VKORC1L1: variants seen among roughly 807,000 people sequenced by gnomAD.
The protein encoded by VKORC1L1 is vitamin K epoxide reductase complex subunit 1-like protein 1.
Under a neutral mutation model 18.9 loss-of-function variants are expected in VKORC1L1, and 2 were observed. The observed-to-expected ratio is 0.11, with a 90% CI of 0.04 to 0.33. The LOEUF (loss-of-function observed/expected upper bound fraction) is 0.33, where lower values mean the gene tolerates loss of function less well. VKORC1L1 is among the 10% of genes least tolerant of loss of function. VKORC1L1 has a pLI of 1.00. For synonymous variants in VKORC1L1, 96 were observed against 100.0 expected (o/e 0.96, Z 0.24); for missense variants, 123 against 224.1 (o/e 0.55, Z 2.88).
intron 1 of VKORC1L1, among the ~76,000 whole-genome samples, chr7:65,912,324 A>T (rs1310261123): frequency 6.6e-6 from 1 of 152,148 alleles, no homozygotes; most frequent in Non-Finnish European, 1.5e-5. Flanking sequence ...GCTGTAGAAT[A>T]TTGTTTTTTC....
At chr7:65,942,590 T>A (rs1790054967) in intron 1 of VKORC1L1, among the ~76,000 whole-genome samples, 2 of 151,258 alleles carry the variant, frequency 1.3e-5, no homozygotes, top group Non-Finnish European at 2.9e-5. Context: ...TAGGCTGGAG[T>A]GCAGTGGCGC....
upstream of VKORC1L1, among the ~76,000 whole-genome samples, chr7:65,872,524 C>T (rs1400220810): frequency 6.6e-6 from 1 of 152,026 alleles, no homozygotes; most frequent in Non-Finnish European, 1.5e-5. Flanking sequence ...GACGCGGTTA[C>T]GCCATGTAGG....
At chr7:65,892,181 T>C (rs746283411) in intron 1 of VKORC1L1, among the ~76,000 whole-genome samples, 1 of 152,250 alleles carries the variant, frequency 6.6e-6, no homozygotes, top group Non-Finnish European at 1.5e-5. Flanking sequence ...CTTTATCCAT[T>C]CGTCTGTTGA....
chr7:65,922,156 A>G (rs1048138969), intron 1 of VKORC1L1, among the ~76,000 whole-genome samples: 2 of 150,800 alleles, frequency 1.3e-5, no homozygotes, highest in Non-Finnish European at 2.9e-5. Context: ...AATTCTGCAT[A>G]TTTTTGACTC....
intron 1 of VKORC1L1, among the ~76,000 whole-genome samples, chr7:65,937,243 A>C (rs561357903): frequency 1.1e-4 from 17 of 152,196 alleles, no homozygotes; most frequent in Admixed American, 3.3e-4. Flanking sequence ...TCCAGTTTTT[A>C]CTCTCCTCTA....
intron 1 of VKORC1L1, among the ~76,000 whole-genome samples, chr7:65,932,137 G>A (rs1017695768): frequency 6.6e-6 from 1 of 151,622 alleles, no homozygotes; most frequent in Non-Finnish European, 1.5e-5. Flanking sequence ...TCATGCTGTT[G>A]CCCAGGCTGG....
chr7:65,886,504 G>T (rs28448305), intron 1 of VKORC1L1, among the ~76,000 whole-genome samples: 6,330 of 152,074 alleles, frequency 0.042, 447 homozygotes, highest in African/African-American at 0.14. Context: ...AAAGAAGAAG[G>T]TGCCTTTTGA....
chr7:65,907,354 T>C (rs545366189), intron 1 of VKORC1L1, among the ~76,000 whole-genome samples: 2 of 152,240 alleles, frequency 1.3e-5, no homozygotes, highest in East Asian at 1.9e-4. Flanking sequence ...TGAGAATCGC[T>C]TAGAACCCGG....
chr7:65,877,561 T>C (rs1317688673), intron 1 of VKORC1L1, among the ~76,000 whole-genome samples: 1 of 152,204 alleles, frequency 6.6e-6, no homozygotes. Context: ...TTGGCCAGGC[T>C]GGTCTTAAAC....
At position 65,959,445 on chromosome 7, in the gene VKORC1L1, A is replaced by C. The variant is rs1176596207; in HGVS notation, c.*5145A>C. The C allele has an allele frequency of 6.6e-6, 1 of 152,264 alleles. No homozygotes were observed. The highest frequency in any genetic ancestry group is 2.4e-5 in the African/African-American group (1 of 41,474). 9.4% of individuals were successfully genotyped at this position (152,264 alleles called of 1,614,324 possible). A position where few individuals can be genotyped will look rare whatever the true frequency, so the allele number is the denominator to read the frequency against. On this transcript the variant is annotated 3_prime_UTR_variant, in exon 3 of 3. Coordinates refer to ENST00000360768, the MANE Select transcript of VKORC1L1 (RefSeq NM_173517.6). ...TGGAACACAAAACTTGATTCCTTTG[A>C]AAAACTAAAGAGAAGTTGATAAAAA...
At chr7:65,901,005 A>G (rs1426306726) in intron 1 of VKORC1L1, among the ~76,000 whole-genome samples, 1 of 152,188 alleles carries the variant, frequency 6.6e-6, no homozygotes. Flanking sequence ...ACAGATGGAG[A>G]AGAAAATGAG....
At chr7:65,925,389 G>A (rs1272387283) in intron 1 of VKORC1L1, among the ~76,000 whole-genome samples, 7 of 152,104 alleles carry the variant, frequency 4.6e-5, no homozygotes, top group Non-Finnish European at 8.8e-5. Context: ...TACAGTCTCC[G>A]AGTTGGTCTC....
At chr7:65,872,270 G>A (rs905330839), upstream of VKORC1L1, among the ~76,000 whole-genome samples, 1 of 151,448 alleles carries the variant, frequency 6.6e-6, no homozygotes, top group Non-Finnish European at 1.5e-5. Context: ...TATGAGTTAT[G>A]GTAAGCAACT....
intron 1 of VKORC1L1, among the ~76,000 whole-genome samples, chr7:65,927,395 A>G (rs1210142244): frequency 2.0e-5 from 3 of 152,172 alleles, no homozygotes; most frequent in African/African-American, 4.8e-5. Flanking sequence ...TGGATTCACT[A>G]TATATAGTGG....
chr7:65,944,195 TG>T (rs1790081072), intron 1 of VKORC1L1, among the ~76,000 whole-genome samples: 1 of 151,182 alleles, frequency 6.6e-6, no homozygotes, highest in Non-Finnish European at 1.5e-5. Flanking sequence ...GATGAAACCC[TG>T]GCTCTACCAA....
rs115673690 is a variant in VKORC1L1 at position 65,933,700 on chromosome 7, G to C, written c.195-14971G>C. Among the ~76,000 whole-genome samples the C allele has an allele frequency of 9.2e-3, 1,407 of 152,164 alleles. 24 individuals are homozygous for C. The highest frequency in any genetic ancestry group is 0.031 in the African/African-American group (1,268 of 41,530). On this transcript the variant is annotated intron_variant, in intron 1 of 2. Transcript: ENST00000360768. ...CCATTTACTTTTAATGTAATTGTTAGTATGTTTAGATTTAGGTCAACCTCT... is the reference window on the plus strand; with the variant it reads ...CCATTTACTTTTAATGTAATTGTTACTATGTTTAGATTTAGGTCAACCTCT...
At chr7:65,875,421 TTTC>T (rs1788810217) in intron 1 of VKORC1L1, among the ~76,000 whole-genome samples, 1 of 152,060 alleles carries the variant, frequency 6.6e-6, no homozygotes, top group Admixed American at 6.6e-5. Context: ...GAAAGACACT[TTTC>T]TTTTTTTTTC....
At chr7:65,895,854 G>T (rs560293867) in intron 1 of VKORC1L1, among the ~76,000 whole-genome samples, 1 of 148,764 alleles carries the variant, frequency 6.7e-6, no homozygotes, top group South Asian at 2.1e-4. Context: ...GAACTGAGTA[G>T]CCATTGGGAA....
At chr7:65,887,268 A>T (rs1789032141) in intron 1 of VKORC1L1, among the ~76,000 whole-genome samples, 1 of 152,140 alleles carries the variant, frequency 6.6e-6, no homozygotes, top group African/African-American at 2.4e-5. Flanking sequence ...AAATTTACTA[A>T]AGAAACCCAG....
Sources: allele counts gnomAD v4.1 joint callset (sites outside exome capture counted in the v4.1 genomes callset), GRCh38; gene constraint gnomAD v4.1.1; transcripts MANE v1.5; gene names NCBI Gene and HGNC (gene_info 2026-07-23, HGNC 2026-07-21).